Variants in GRIA1 observed in about 807,000 individuals in gnomAD.
The protein encoded by GRIA1 is glutamate receptor 1.
A neutral mutation model predicts 99.2 loss-of-function variants in GRIA1; 31 were observed. The observed-to-expected ratio is 0.31, with a 90% CI of 0.23 to 0.42. The LOEUF is 0.42. GRIA1 is among the 10% of genes least tolerant of loss of function. GRIA1 has a pLI of 1.00. For synonymous variants in GRIA1, 438 were observed against 432.4 expected, an observed-to-expected ratio of 1.01 and a Z score of -0.16; for missense variants, 782 against 1,157.5, an observed-to-expected ratio of 0.68 and a Z score of 4.71.
intron 2 of GRIA1, among the ~76,000 whole-genome samples, chr5:153,527,173 T>C (rs1416780164): frequency 6.6e-6 from 1 of 152,138 alleles, no homozygotes; most frequent in Non-Finnish European, 1.5e-5. Flanking sequence ...AATACTGAAA[T>C]CGCAAAAATT....
At chr5:153,795,885 T>G (rs1351196310) in intron 14 of GRIA1, among the ~76,000 whole-genome samples, 1 of 152,124 alleles carries the variant, frequency 6.6e-6, no homozygotes, top group African/African-American at 2.4e-5. Context: ...TCATGGCAAG[T>G]ACTCTTTGCT....
intron 8 of GRIA1, among the ~76,000 whole-genome samples, chr5:153,691,201 G>A (rs1351023907): frequency 1.3e-5 from 2 of 152,170 alleles, no homozygotes. Context: ...GGATCCTTAG[G>A]AAATCCCGTT....
intron 2 of GRIA1, among the ~76,000 whole-genome samples, chr5:153,515,024 G>A (rs897973351): frequency 1.8e-4 from 27 of 152,010 alleles, no homozygotes; most frequent in African/African-American, 6.0e-4. Flanking sequence ...GTAAATTATT[G>A]CCCTCAGTTT....
At chr5:153,559,643 C>A (rs1447871047) in intron 2 of GRIA1, among the ~76,000 whole-genome samples, 2 of 152,086 alleles carry the variant, frequency 1.3e-5, no homozygotes, top group East Asian at 3.9e-4. Flanking sequence ...TTTCTTTAAA[C>A]CAGCATCAAC....
intron 2 of GRIA1, among the ~76,000 whole-genome samples, chr5:153,510,529 A>G (rs1755962658): frequency 1.3e-5 from 2 of 152,140 alleles, no homozygotes; most frequent in African/African-American, 4.8e-5. Context: ...AAAAGAGTGC[A>G]TGAAAGAGGT....
chr5:153,543,972 A>G (rs754046754), intron 2 of GRIA1, among the ~76,000 whole-genome samples: 4 of 149,386 alleles, frequency 2.7e-5, no homozygotes, highest in Admixed American at 6.7e-5. Context: ...ATATGTGTGT[A>G]TGTTGGGGGT....
intron 14 of GRIA1, among the ~76,000 whole-genome samples, chr5:153,795,751 C>G (rs1310108035): frequency 6.6e-6 from 1 of 152,164 alleles, no homozygotes; most frequent in Non-Finnish European, 1.5e-5. Flanking sequence ...GTTTGAATAT[C>G]AGCACGCCAG....
At chr5:153,579,334 T>C (rs1276711942) in intron 2 of GRIA1, among the ~76,000 whole-genome samples, 1 of 152,232 alleles carries the variant, frequency 6.6e-6, no homozygotes, top group Non-Finnish European at 1.5e-5. Flanking sequence ...CACCAATGTA[T>C]TCTCTATTTT....
At chr5:153,667,311 GGAT>G (rs1219600965) in intron 5 of GRIA1, among the ~76,000 whole-genome samples, 3 of 152,206 alleles carry the variant, frequency 2.0e-5, no homozygotes, top group Non-Finnish European at 4.4e-5. Flanking sequence ...AGCACAGGCA[GGAT>G]GATGAGGGCT....
intron 2 of GRIA1, among the ~76,000 whole-genome samples, chr5:153,515,357 A>T (rs1164387713): frequency 6.6e-6 from 1 of 152,220 alleles, no homozygotes; most frequent in Non-Finnish European, 1.5e-5. Context: ...ACATCATGCT[A>T]AGTTAAATAA....
chr5:153,653,130 G>A (rs1339137997), intron 4 of GRIA1, among the ~76,000 whole-genome samples: 1 of 152,178 alleles, frequency 6.6e-6, no homozygotes, highest in African/African-American at 2.4e-5. Flanking sequence ...CAATGCCTTG[G>A]ATAGTGCTTG....
intron 2 of GRIA1, among the ~76,000 whole-genome samples, chr5:153,633,223 T>C (rs1291373781): frequency 6.6e-6 from 1 of 152,220 alleles, no homozygotes; most frequent in Non-Finnish European, 1.5e-5. Context: ...CCCAGTTTCA[T>C]AGTATACATG....
intron 15 of GRIA1, among the ~76,000 whole-genome samples, chr5:153,803,651 C>T (rs906659090): frequency 6.6e-6 from 1 of 152,172 alleles, no homozygotes; most frequent in Non-Finnish European, 1.5e-5. Flanking sequence ...CTGGGCAATG[C>T]AGCCATGGTG....
rs1026460564 is a variant in GRIA1 at position 153,632,057 on chromosome 5, T to A, written c.221-14871T>A. Among the ~76,000 whole-genome samples the A allele has an allele frequency of 2.6e-5, 4 of 152,108 alleles. No individual in the cohort carries two copies. In the East Asian group the frequency reaches 7.7e-4, roughly 29 times the overall value. ...AGTTGGGACTTTATTCAAAGCATGA[T>A]GAGAAAGCATGAGGGGCTTGAGGGG... On this transcript the variant is annotated intron_variant, in intron 2 of 15. Transcript: ENST00000285900.
intron 11 of GRIA1, among the ~76,000 whole-genome samples, chr5:153,714,135 T>C (rs2149531174): frequency 6.6e-6 from 1 of 152,268 alleles, no homozygotes; most frequent in Non-Finnish European, 1.5e-5. Flanking sequence ...GGGGCTGTGG[T>C]GAACGGCACA....
intron 2 of GRIA1, among the ~76,000 whole-genome samples, chr5:153,582,966 T>C (rs1458744507): frequency 6.6e-6 from 1 of 151,840 alleles, no homozygotes; most frequent in East Asian, 1.9e-4. Context: ...CCCAGCTAAT[T>C]TTTGTATTTT....
chr5:153,514,966 T>C (rs1014937869), intron 2 of GRIA1, among the ~76,000 whole-genome samples: 27 of 151,996 alleles, frequency 1.8e-4, no homozygotes, highest in African/African-American at 6.0e-4. Flanking sequence ...CAAATGCTGG[T>C]AAGGATGTGA....
At chr5:153,596,992 G>A (rs1224013145) in intron 2 of GRIA1, among the ~76,000 whole-genome samples, 8 of 152,316 alleles carry the variant, frequency 5.3e-5, no homozygotes, top group Admixed American at 6.5e-5. Flanking sequence ...ACCCGGTCCC[G>A]TGGCCTCCCC....
chr5:153,550,665 C>T (rs1760054461), intron 2 of GRIA1, among the ~76,000 whole-genome samples: 1 of 152,146 alleles, frequency 6.6e-6, no homozygotes, highest in Non-Finnish European at 1.5e-5. Context: ...TACTAACATT[C>T]TGACCTTGGA....
Sources: gnomAD v4.1 joint callset for allele counts (sites outside exome capture counted in the v4.1 genomes callset) on GRCh38, gnomAD v4.1.1 for gene constraint, MANE v1.5 for transcripts, NCBI Gene and HGNC (gene_info 2026-07-23, HGNC 2026-07-21) for gene names.